WWOX: variants seen among roughly 807,000 people sequenced by gnomAD.
WWOX encodes WW domain-containing oxidoreductase.
A neutral mutation model predicts 46.2 loss-of-function variants in WWOX; 69 were observed. That is an observed-to-expected ratio of 1.49 (90% confidence interval 1.23 to 1.82). The LOEUF (loss-of-function observed/expected upper bound fraction) is 1.82. WWOX is among the 40% of genes most tolerant of loss of function. WWOX has a pLI of 0.00. For missense variants in WWOX, 919 were observed against 542.6 expected, an observed-to-expected ratio of 1.69 and a Z score of -6.89; for synonymous variants, 359 against 202.6, an observed-to-expected ratio of 1.77 and a Z score of -6.56.
At chr16:78,809,700 A>C (rs1038976116) in intron 8 of WWOX, among the ~76,000 whole-genome samples, 1 of 152,172 alleles carries the variant, frequency 6.6e-6, no homozygotes, top group African/African-American at 2.4e-5. Context: ...AGTGTGAATG[A>C]GGCCATGTGG....
intron 6 of WWOX, among the ~76,000 whole-genome samples, chr16:78,411,607 A>G (rs904635891): frequency 1.3e-5 from 2 of 152,198 alleles, no homozygotes; most frequent in Admixed American, 6.5e-5. Context: ...AATTTAGCAG[A>G]CATTTAGGAA....
intron 8 of WWOX, among the ~76,000 whole-genome samples, chr16:78,738,867 A>G (rs889359872): frequency 2.0e-5 from 3 of 152,190 alleles, no homozygotes; most frequent in African/African-American, 7.2e-5. Context: ...CCCTTAAGCC[A>G]CATTCCATTC....
intron 8 of WWOX, among the ~76,000 whole-genome samples, chr16:78,593,772 G>C (rs2045408422): frequency 6.6e-6 from 1 of 151,462 alleles, no homozygotes; most frequent in African/African-American, 2.4e-5. Flanking sequence ...TACACAAAGA[G>C]AATCAGAAAG....
At chr16:78,612,078 C>G (rs1476858046) in intron 8 of WWOX, among the ~76,000 whole-genome samples, 1 of 152,132 alleles carries the variant, frequency 6.6e-6, no homozygotes, top group Non-Finnish European at 1.5e-5. Context: ...CTTTAGGATT[C>G]TTTAGTGTTG....
chr16:78,131,782 C>T (rs1381754340), intron 4 of WWOX, among the ~76,000 whole-genome samples: 3 of 151,440 alleles, frequency 2.0e-5, no homozygotes, highest in African/African-American at 7.3e-5. Flanking sequence ...GATGGGGTTT[C>T]ACCATGTTGG....
intron 8 of WWOX, among the ~76,000 whole-genome samples, chr16:78,654,111 C>G (rs903769007): frequency 6.6e-6 from 1 of 152,186 alleles, no homozygotes; most frequent in African/African-American, 2.4e-5. Flanking sequence ...GAGAGAAACT[C>G]TCAAAGGCCA....
chr16:79,021,588 G>A (rs1055568926), intron 8 of WWOX, among the ~76,000 whole-genome samples: 1 of 152,140 alleles, frequency 6.6e-6, no homozygotes, highest in East Asian at 1.9e-4. Context: ...GGGTGAAAAC[G>A]ATGTTTGGAA....
intron 8 of WWOX, among the ~76,000 whole-genome samples, chr16:78,670,505 T>A (rs961335238): frequency 6.6e-6 from 1 of 151,854 alleles, no homozygotes; most frequent in Non-Finnish European, 1.5e-5. Context: ...ACCCTCTGAA[T>A]GTGGGTTATG....
At chr16:79,006,431 A>C (rs1381122927) in intron 8 of WWOX, among the ~76,000 whole-genome samples, 1 of 151,902 alleles carries the variant, frequency 6.6e-6, no homozygotes, top group East Asian at 1.9e-4. Context: ...ATCAGGTGCC[A>C]GGTTAGAGTT....
chr16:78,925,085 C>T (rs577555625), intron 8 of WWOX, among the ~76,000 whole-genome samples: 1 of 152,132 alleles, frequency 6.6e-6, no homozygotes, highest in South Asian at 2.1e-4. Flanking sequence ...GTCCCAGTTA[C>T]TGGGGAGGCT....
intron 8 of WWOX, among the ~76,000 whole-genome samples, chr16:79,052,684 G>T (rs1007497487): frequency 6.6e-6 from 1 of 152,166 alleles, no homozygotes; most frequent in Non-Finnish European, 1.5e-5. Flanking sequence ...ACACGTGTCA[G>T]GTTATAAATG....
chr16:78,611,367 G>C (rs943104580), intron 8 of WWOX, among the ~76,000 whole-genome samples: 9 of 152,210 alleles, frequency 5.9e-5, no homozygotes, highest in Admixed American at 2.0e-4. Flanking sequence ...TGAGGATGGG[G>C]CTGGGGGCCA....
In WWOX at chr16:78,340,502, C is replaced by A. The variant is rs1445753338; in HGVS notation, c.517-46358C>A. On this transcript the variant is annotated intron_variant, in intron 5 of 8. Coordinates refer to ENST00000566780, the MANE Select transcript of WWOX (RefSeq NM_016373.4). ...AGGATTACAGGCATGAACCACCACA[C>A]CTAGCCTCTTGATAAAGTCTTTCCC... Among the ~76,000 whole-genome samples, 3 of 121,046 alleles carry A rather than the reference C, an allele frequency of 2.5e-5. 1 individual carries two copies. Among genetic ancestry groups the A allele is most frequent in the Non-Finnish European group, 5.9e-5 (3 of 50,610 alleles). 79.4% of individuals were successfully genotyped at this position (121,046 alleles called of 152,430 possible). A position where few individuals can be genotyped will look rare whatever the true frequency, so the allele number is the denominator to read the frequency against.
intron 8 of WWOX, among the ~76,000 whole-genome samples, chr16:78,456,818 T>C (rs1019836187): frequency 6.6e-6 from 1 of 152,242 alleles, no homozygotes; most frequent in Non-Finnish European, 1.5e-5. Context: ...AATACCAACA[T>C]TAACAAACCA....
intron 8 of WWOX, among the ~76,000 whole-genome samples, chr16:78,975,471 T>C (rs977857882): frequency 2.0e-5 from 3 of 151,786 alleles, no homozygotes; most frequent in Non-Finnish European, 4.4e-5. Context: ...TTTTTTTTTT[T>C]CATTATGGCC....
intron 8 of WWOX, among the ~76,000 whole-genome samples, chr16:78,971,316 T>C (rs942751093): frequency 6.6e-6 from 1 of 151,362 alleles, no homozygotes; most frequent in East Asian, 1.9e-4. Context: ...ATACAAAAAT[T>C]AGGTGGCAGG....
chr16:79,208,793 T>C (rs1050194773), intron 8 of WWOX, among the ~76,000 whole-genome samples: 2 of 152,164 alleles, frequency 1.3e-5, no homozygotes, highest in African/African-American at 2.4e-5. Context: ...TGTCATCACA[T>C]CTGATCATAT....
intron 5 of WWOX, among the ~76,000 whole-genome samples, chr16:78,352,325 T>C (rs565721230): frequency 6.6e-6 from 1 of 152,202 alleles, no homozygotes; most frequent in Admixed American, 6.5e-5. Flanking sequence ...AGTTACACTT[T>C]ACAGTTTTGG....
chr16:78,587,216 T>TTTTTTTTTTTTTTTTG (rs2045230607), intron 8 of WWOX, among the ~76,000 whole-genome samples: 2 of 134,988 alleles, frequency 1.5e-5, no homozygotes, highest in African/African-American at 6.1e-5. Context: ...TTTTTTTTTT[T>TTTTTTTTTTTTTTTTG]GTAGAAACAG....
Sources: gnomAD v4.1 joint callset for allele counts (sites outside exome capture counted in the v4.1 genomes callset) on GRCh38, gnomAD v4.1.1 for gene constraint, MANE v1.5 for transcripts, NCBI Gene and HGNC (gene_info 2026-07-23, HGNC 2026-07-21) for gene names.